NR2F1-AS1: variants seen among roughly 807,000 people sequenced by gnomAD.
NR2F1-AS1 encodes NR2F1 antisense RNA 1.
At chr5:93,571,110 C>G (rs1362723767) in intron 1 of NR2F1-AS1, 1 of 152,236 alleles carries the variant, frequency 6.6e-6, no homozygotes, top group Non-Finnish European at 1.5e-5. Flanking sequence ...GCACCGAGGG[C>G]CGCGCTGATC....
At chr5:93,460,335 G>C (rs928299152) in intron 4 of NR2F1-AS1, among the ~76,000 whole-genome samples, 2 of 152,104 alleles carry the variant, frequency 1.3e-5, no homozygotes, top group Non-Finnish European at 2.9e-5. Flanking sequence ...ACGCAGCACC[G>C]GGAAGGCTTA....
chr5:93,500,265 G>C (rs988549005), intron 4 of NR2F1-AS1, among the ~76,000 whole-genome samples: 6 of 152,200 alleles, frequency 3.9e-5, no homozygotes, highest in African/African-American at 1.4e-4. Flanking sequence ...GCTGACTCTT[G>C]CTAGGGGCTA....
At chr5:93,556,115 T>C (rs1752348679) in intron 2 of NR2F1-AS1, among the ~76,000 whole-genome samples, 1 of 152,180 alleles carries the variant, frequency 6.6e-6, no homozygotes, top group African/African-American at 2.4e-5. Flanking sequence ...TATCCCATGT[T>C]CTTTCTGCTT....
chr5:93,468,055 T>G (rs1220667999), intron 4 of NR2F1-AS1, among the ~76,000 whole-genome samples: 4 of 152,246 alleles, frequency 2.6e-5, no homozygotes, highest in African/African-American at 9.6e-5. Flanking sequence ...AGTCTATCAT[T>G]GATGGACATT....
intron 4 of NR2F1-AS1, among the ~76,000 whole-genome samples, chr5:93,435,678 C>T (rs1422100730): frequency 6.6e-6 from 1 of 152,148 alleles, no homozygotes; most frequent in African/African-American, 2.4e-5. Flanking sequence ...GGGCTCGCTC[C>T]CCCATTTCCT....
Position 93,531,520 on chromosome 5 carries a change from G to A in NR2F1-AS1, n.638+22241C>T, listed in dbSNP as rs138918296. Reference sequence around the variant, plus strand: ...CCTAATAAAATGTTTTTCTTTTCCCGTTGAACTGGGTGATTTCCTTGTAAA... The same window carrying A: ...CCTAATAAAATGTTTTTCTTTTCCCATTGAACTGGGTGATTTCCTTGTAAA... On this transcript the variant is annotated intron_variant and non_coding_transcript_variant, in intron 4 of 5. Coordinates refer to ENST00000660523, the Ensembl canonical transcript of NR2F1-AS1. Among the ~76,000 whole-genome samples the A allele has an allele frequency of 3.9e-4, 59 of 152,230 alleles. No homozygotes were observed. The East Asian group carries it at 7.3e-3, about 19-fold the overall frequency.
chr5:93,438,496 CTATT>C (rs1749491474), intron 4 of NR2F1-AS1, among the ~76,000 whole-genome samples: 1 of 152,188 alleles, frequency 6.6e-6, no homozygotes, highest in Non-Finnish European at 1.5e-5. Flanking sequence ...CTCAAACTAT[CTATT>C]TATCTCCATC....
chr5:93,522,265 A>G (rs1442177149), intron 4 of NR2F1-AS1, among the ~76,000 whole-genome samples: 3 of 152,156 alleles, frequency 2.0e-5, no homozygotes, highest in South Asian at 2.1e-4. Context: ...ATTGGACTTA[A>G]TATCTGGGTG....
At chr5:93,585,407 T>C (rs1055158846), upstream of NR2F1-AS1, 17 of 1,613,902 alleles carry the variant, frequency 1.1e-5, no homozygotes, top group Non-Finnish European at 1.4e-5. Context: ...ACAGGAACTG[T>C]CCCATCGACC....
chr5:93,459,304 G>A lies in NR2F1-AS1; in HGVS notation n.639-63762C>T, dbSNP rs1257894226. Among the ~76,000 whole-genome samples the A allele has an allele frequency of 2.0e-5, 3 of 151,832 alleles. No homozygotes were observed. The East Asian group carries it at 5.8e-4, about 29-fold the overall frequency. On this transcript the variant is annotated intron_variant and non_coding_transcript_variant, in intron 4 of 5. Coordinates refer to ENST00000660523, the Ensembl canonical transcript of NR2F1-AS1. ...ATTTATCCAAAAAAGAGATATACAA[G>A]AAAATAAGCGCATGAAAACATGCTC...
chr5:93,544,722 G>A (rs1038693392), intron 4 of NR2F1-AS1: 2 of 152,044 alleles, frequency 1.3e-5, no homozygotes, highest in Admixed American at 1.3e-4. Flanking sequence ...AAGAGATCGA[G>A]ACCATCCTGG....
At chr5:93,440,436 A>T (rs974644443) in intron 4 of NR2F1-AS1, among the ~76,000 whole-genome samples, 1 of 152,198 alleles carries the variant, frequency 6.6e-6, no homozygotes, top group Non-Finnish European at 1.5e-5. Flanking sequence ...AGAATTAAAG[A>T]CTGAGTAAGA....
chr5:93,511,718 C>T (rs1193396942), intron 4 of NR2F1-AS1, among the ~76,000 whole-genome samples: 4 of 152,160 alleles, frequency 2.6e-5, no homozygotes, highest in African/African-American at 9.7e-5. Flanking sequence ...GGCAAGCAAG[C>T]TTTATCACCT....
At chr5:93,421,473 G>A (rs1749086825) in intron 4 of NR2F1-AS1, among the ~76,000 whole-genome samples, 1 of 152,052 alleles carries the variant, frequency 6.6e-6, no homozygotes, top group African/African-American at 2.4e-5. Context: ...CCTCGGTGTG[G>A]TTTAGCTTTA....
At chr5:93,433,193 T>C (rs2149847667) in intron 4 of NR2F1-AS1, among the ~76,000 whole-genome samples, 1 of 152,322 alleles carries the variant, frequency 6.6e-6, no homozygotes, top group East Asian at 1.9e-4. Context: ...TATAAAGTTT[T>C]AGTATTTCGC....
At chr5:93,554,743 C>A (rs1349190820) in intron 3 of NR2F1-AS1, 1 of 152,140 alleles carries the variant, frequency 6.6e-6, no homozygotes, top group East Asian at 1.9e-4. Context: ...AAAGAAATCA[C>A]AATTTAGATA....
At chr5:93,438,271 GA>G (rs1322474550) in intron 4 of NR2F1-AS1, among the ~76,000 whole-genome samples, 1 of 152,218 alleles carries the variant, frequency 6.6e-6, no homozygotes, top group Non-Finnish European at 1.5e-5. Flanking sequence ...GGAATCTACA[GA>G]AGTGTGGTGA....
rs1750830727 is a variant in NR2F1-AS1, at chr5:93,490,990, G to A, written n.638+62771C>T. Among the ~76,000 whole-genome samples, 3 of 148,038 alleles carry A rather than the reference G, an allele frequency of 2.0e-5. No individual in the cohort carries two copies. In the South Asian group the frequency reaches 6.6e-4, roughly 33 times the overall value. On this transcript the variant is annotated intron_variant and non_coding_transcript_variant, in intron 4 of 5. Transcript: ENST00000660523. Reference sequence around the variant, plus strand: ...GTTCCTGGTAATGGTGTTGACGGTGGTTATAGTCATGGTGGTGATGGGAGT... The same window carrying A: ...GTTCCTGGTAATGGTGTTGACGGTGATTATAGTCATGGTGGTGATGGGAGT...
At chr5:93,546,025 G>C (rs1752077166) in intron 4 of NR2F1-AS1, among the ~76,000 whole-genome samples, 1 of 152,182 alleles carries the variant, frequency 6.6e-6, no homozygotes, top group African/African-American at 2.4e-5. Flanking sequence ...GATTCGGACA[G>C]ACTGAGTTTG....
Sources: gnomAD v4.1 joint callset for allele counts (sites outside exome capture counted in the v4.1 genomes callset) on GRCh38, gnomAD v4.1.1 for gene constraint, MANE v1.5 for transcripts, NCBI Gene and HGNC (gene_info 2026-07-23, HGNC 2026-07-21) for gene names.